The following XRCC4 variants were observed in gnomAD, a reference collection of about 807,000 sequenced individuals.
The protein encoded by XRCC4 is X-ray repair cross complementing 4.
XRCC4 carries 28 observed loss-of-function variants against 39.1 expected under a neutral mutation model. The observed-to-expected ratio is 0.72, with a 90% CI of 0.53 to 0.98. The LOEUF is 0.98. Among genes scored for constraint, XRCC4 ranks in the 50% least tolerant of loss-of-function variants. The probability of loss-of-function intolerance (pLI) is 0.00; values close to 1 mark genes in which losing one functional copy is unlikely to be tolerated. For missense variants in XRCC4, 350 were observed against 376.4 expected (o/e 0.93, Z 0.58); for synonymous variants, 123 against 126.4 (o/e 0.97, Z 0.18).
At chr5:83,363,260 G>A in the XRCC4 span, among the ~76,000 whole-genome samples, 2 of 152,176 alleles carry the variant, frequency 1.3e-5, no homozygotes, top group Non-Finnish European at 2.9e-5. Context: ...CCACTTGTGA[G>A]GCACAGAGGA....
chr5:83,280,634 A>G, intron 7 of XRCC4: 1 of 348,598 alleles, frequency 2.9e-6, no homozygotes, highest in Middle Eastern at 7.6e-4. Context: ...TGACCAGTCC[A>G]AGCTACCATG....
chr5:83,363,003 C>T, the XRCC4 span, among the ~76,000 whole-genome samples: 1 of 152,130 alleles, frequency 6.6e-6, no homozygotes, highest in African/African-American at 2.4e-5. Flanking sequence ...TCACTTTTGG[C>T]TTCCAGGTTT....
chr5:83,218,308 C>T (rs1751951171), intron 6 of XRCC4, among the ~76,000 whole-genome samples: 1 of 147,576 alleles, frequency 6.8e-6, no homozygotes, highest in African/African-American at 2.5e-5. Context: ...ATTTCTCAAA[C>T]TCATAAAACT....
chr5:83,279,202 C>T (rs1259980953), intron 7 of XRCC4, among the ~76,000 whole-genome samples: 3 of 151,158 alleles, frequency 2.0e-5, no homozygotes, highest in Non-Finnish European at 4.4e-5. Flanking sequence ...TATCAATCAA[C>T]TTATCTTCAT....
Position 83,203,671 on chromosome 5 carries a change from C to A in XRCC4, c.602C>A (p.Ala201Glu). Residue 201 changes from alanine (A) to glutamate (E), a missense_variant, in exon 5 of 8, where the codon GCA (alanine) becomes GAA (glutamate). Transcript: ENST00000396027. ...AGTTTGCATAATAAATTATTAAATG[C>A]AGCTCAAGAACGAGAAAAGGACATC... is the stretch of plus-strand genomic sequence containing the variant. ...IRSLHNKLLNAAQEREKDIKQ... is the reference protein window; with the variant it reads ...IRSLHNKLLNEAQEREKDIKQ... 1 of 1,608,278 alleles carries A rather than the reference C, an allele frequency of 6.2e-7. No homozygotes were observed. The highest frequency in any genetic ancestry group is 8.5e-7 in the Non-Finnish European group (1 of 1,177,772).
chr5:83,087,116 A>G (rs1026245112), intron 1 of XRCC4, among the ~76,000 whole-genome samples: 2 of 152,068 alleles, frequency 1.3e-5, no homozygotes, highest in African/African-American at 4.8e-5. Context: ...CAGAATTTCA[A>G]GTCCAGCCTG....
At chr5:83,184,498 A>T (rs1433501894) in intron 3 of XRCC4, among the ~76,000 whole-genome samples, 5 of 152,070 alleles carry the variant, frequency 3.3e-5, no homozygotes, top group Admixed American at 2.0e-4. Context: ...AGGAAAAAAA[A>T]TTACTGTTTT....
intron 3 of XRCC4, 32 bp from the exon 4 acceptor site, chr5:83,195,738 C>T: frequency 1.3e-6 from 2 of 1,510,960 alleles, no homozygotes; most frequent in Non-Finnish European, 1.8e-6. Context: ...TGATATTTTC[C>T]CCAAATTAAC....
At chr5:83,361,727 T>C in the XRCC4 span, among the ~76,000 whole-genome samples, 1 of 151,706 alleles carries the variant, frequency 6.6e-6, no homozygotes, top group Non-Finnish European at 1.5e-5. Flanking sequence ...GTTCAAGAGG[T>C]TCTCCTGCCT....
intron 6 of XRCC4, among the ~76,000 whole-genome samples, chr5:83,254,920 C>T (rs548124388): frequency 6.6e-5 from 10 of 151,932 alleles, no homozygotes; most frequent in South Asian, 4.1e-4. Flanking sequence ...AACCGTGTCT[C>T]TACTAAAAAT....
At chr5:83,201,298 A>G (rs985899768) in intron 4 of XRCC4, 11 of 152,280 alleles carry the variant, frequency 7.2e-5, no homozygotes, top group Admixed American at 5.9e-4. Flanking sequence ...GCCTATAGCA[A>G]TATGGTTCAC....
chr5:83,150,921 A>C (rs1381906017), intron 3 of XRCC4, among the ~76,000 whole-genome samples: 1 of 152,102 alleles, frequency 6.6e-6, no homozygotes, highest in Non-Finnish European at 1.5e-5. Flanking sequence ...AAAATAGCCT[A>C]TGAGGGTTTT....
At chr5:83,241,096 C>T (rs867801330) in intron 6 of XRCC4, among the ~76,000 whole-genome samples, 25 of 152,022 alleles carry the variant, frequency 1.6e-4, no homozygotes, top group Non-Finnish European at 2.4e-4. Flanking sequence ...ATTGGCAAGG[C>T]GTGGTGGCAC....
chr5:83,233,504 C>T (rs1349048276), intron 6 of XRCC4, among the ~76,000 whole-genome samples: 1 of 152,036 alleles, frequency 6.6e-6, no homozygotes, highest in African/African-American at 2.4e-5. Context: ...ATTGGGGGAA[C>T]CCATTCTTCT....
chr5:83,338,256 G>A (rs572859651), intron 7 of XRCC4, among the ~76,000 whole-genome samples: 1 of 152,268 alleles, frequency 6.6e-6, no homozygotes, highest in African/African-American at 2.4e-5. Flanking sequence ...TATAAGCTAG[G>A]CTAAAAGGGA....
chr5:83,259,926 G>A (rs962166152), intron 7 of XRCC4, among the ~76,000 whole-genome samples: 1 of 152,088 alleles, frequency 6.6e-6, no homozygotes, highest in Non-Finnish European at 1.5e-5. Flanking sequence ...TCAGGAAACT[G>A]GCAGCCTAGT....
chr5:83,246,533 T>G lies in XRCC4; in HGVS notation c.746-11997T>G, dbSNP rs538408832. Among the ~76,000 whole-genome samples, 5 of 152,280 alleles carry G rather than the reference T, an allele frequency of 3.3e-5. No individual in the cohort carries two copies. In the East Asian group the frequency reaches 9.6e-4, roughly 29 times the overall value. ...TATTCTACTTATATAATCTTCAGTA[T>G]TTTCTTTGGTGCTATTTTTATTAAA... On this transcript the variant is annotated intron_variant, in intron 6 of 7. Coordinates refer to ENST00000396027, the MANE Select transcript of XRCC4 (RefSeq NM_003401.5).
At chr5:83,187,574 G>A (rs2112672079) in intron 3 of XRCC4, among the ~76,000 whole-genome samples, 1 of 152,292 alleles carries the variant, frequency 6.6e-6, no homozygotes, top group East Asian at 1.9e-4. Flanking sequence ...GCACAGCAAA[G>A]GGAGGGAGAA....
intron 6 of XRCC4, among the ~76,000 whole-genome samples, chr5:83,255,588 TCTC>T (rs1166931876): frequency 5.3e-4 from 81 of 152,252 alleles, no homozygotes; most frequent in African/African-American, 1.8e-3. Flanking sequence ...ATTAGACACT[TCTC>T]CTACAATTTT....
Sources: gnomAD v4.1 joint callset for allele counts (sites outside exome capture counted in the v4.1 genomes callset) on GRCh38, gnomAD v4.1.1 for gene constraint, MANE v1.5 for transcripts, NCBI Gene and HGNC (gene_info 2026-07-23, HGNC 2026-07-21) for gene names.